The following RGS10 variants were observed in gnomAD, a reference collection of about 807,000 sequenced individuals.
The protein encoded by RGS10 is regulator of G protein signaling 10.
RGS10 carries 11 observed loss-of-function variants against 23.5 expected under a neutral mutation model. That is an observed-to-expected ratio of 0.47 (90% confidence interval 0.29 to 0.77). The LOEUF (loss-of-function observed/expected upper bound fraction) is 0.77. Among genes scored for constraint, RGS10 ranks in the 30% least tolerant of loss-of-function variants. The pLI, the probability that RGS10 is intolerant of heterozygous loss-of-function variation, is 0.08. For synonymous variants in RGS10, 77 were observed against 83.2 expected (o/e 0.92, Z 0.41); for missense variants, 180 against 226.3 (o/e 0.80, Z 1.31).
At chr10:119,500,945 G>A (rs530391927) in intron 4 of RGS10, among the ~76,000 whole-genome samples, 30 of 152,236 alleles carry the variant, frequency 2.0e-4, no homozygotes, top group Middle Eastern at 6.8e-3. Flanking sequence ...GAGGACACCC[G>A]ACAGAGCTGA....
chr10:119,522,705 C>T lies in RGS10; in HGVS notation c.255+3327G>A, dbSNP rs548802612. Among the ~76,000 whole-genome samples the T allele has an allele frequency of 4.5e-5, 6 of 134,330 alleles. No homozygotes were observed. In the East Asian group the frequency reaches 1.1e-3, roughly 25 times the overall value. The allele number at this position is 134,330 out of a possible 152,430, so 88.1% of individuals were successfully genotyped here. A position where few individuals can be genotyped will look rare whatever the true frequency, so the allele number is the denominator to read the frequency against. On this transcript the variant is annotated intron_variant, in intron 3 of 4. Transcript: ENST00000369103. ...TGCACTCTAGCCTGGGCGAGAAGAG[C>T]GAAACTCCGTCTCAAAAAAAAAAAA...
chr10:119,541,763 C>T (rs754132301), intron 1 of RGS10, among the ~76,000 whole-genome samples: 1 of 152,220 alleles, frequency 6.6e-6, no homozygotes, highest in African/African-American at 2.4e-5. Context: ...AGTTACCTAA[C>T]AGCGCCTGGC....
intron 4 of RGS10, among the ~76,000 whole-genome samples, chr10:119,511,651 A>G (rs931795619): frequency 6.6e-6 from 1 of 152,094 alleles, no homozygotes; most frequent in Admixed American, 6.6e-5. Context: ...GCTCATTAAA[A>G]TGAATAATGC....
intron 1 of RGS10, chr10:119,536,616 G>T: frequency 1.0e-6 from 1 of 968,302 alleles, no homozygotes; most frequent in Non-Finnish European, 1.5e-6. Context: ...CCTCTTTTAA[G>T]TGGACTAAAC....
At chr10:119,519,877 C>A (rs545873588) in intron 3 of RGS10, among the ~76,000 whole-genome samples, 8 of 152,242 alleles carry the variant, frequency 5.3e-5, no homozygotes, top group Non-Finnish European at 8.8e-5. Flanking sequence ...ATGTCCCCCC[C>A]AGATTTCAGA....
Position 119,524,094 on chromosome 10 carries a change from C to T in RGS10, c.255+1938G>A, listed in dbSNP as rs967316965. 6.6e-6 allele frequency among the ~76,000 whole-genome samples: 1 copy of T among 152,224 alleles called. No homozygotes were observed. The highest frequency in any genetic ancestry group is 6.5e-5 in the Admixed American group (1 of 15,278). Reference sequence around the variant, plus strand: ...AAGCCACTTCCCCTGGATCCCTCCCCGTTGCCCACGCCTTGCTCCCACGAC... The same window carrying T: ...AAGCCACTTCCCCTGGATCCCTCCCTGTTGCCCACGCCTTGCTCCCACGAC... On this transcript the variant is annotated intron_variant, in intron 3 of 4. Transcript: ENST00000369103. This position sits in a 1 kb window ranked among gnomAD's most constrained non-coding sequence, Gnocchi z 5.2.
At chr10:119,520,874 C>A (rs754906003) in intron 3 of RGS10, among the ~76,000 whole-genome samples, 1 of 150,282 alleles carries the variant, frequency 6.7e-6, no homozygotes, top group Admixed American at 6.6e-5. Flanking sequence ...CAATGCAGGG[C>A]GTGAAAGGTC....
At chr10:119,507,051 C>T (rs1844022372) in intron 4 of RGS10, among the ~76,000 whole-genome samples, 1 of 152,196 alleles carries the variant, frequency 6.6e-6, no homozygotes, top group Non-Finnish European at 1.5e-5. Context: ...TCGAATACTG[C>T]CCTTCCCATC....
chr10:119,512,347 A>G (rs1485317820), intron 4 of RGS10, among the ~76,000 whole-genome samples: 1 of 152,204 alleles, frequency 6.6e-6, no homozygotes, highest in African/African-American at 2.4e-5. Flanking sequence ...CTTTGCAAGA[A>G]AAAAACCGGG....
chr10:119,515,126 C>T (rs753685078), intron 4 of RGS10, among the ~76,000 whole-genome samples: 1 of 152,150 alleles, frequency 6.6e-6, no homozygotes, highest in Non-Finnish European at 1.5e-5. Context: ...ACAGAAACAG[C>T]CTGCCACTTT....
chr10:119,500,697 T>C (rs770672130), intron 4 of RGS10, among the ~76,000 whole-genome samples: 1 of 150,446 alleles, frequency 6.6e-6, no homozygotes, highest in Non-Finnish European at 1.5e-5. Flanking sequence ...CCAGCATTGT[T>C]AAGACTCCCA....
intron 1 of RGS10, among the ~76,000 whole-genome samples, chr10:119,533,032 G>A (rs1259604069): frequency 2.4e-5 from 2 of 84,954 alleles, no homozygotes; most frequent in Non-Finnish European, 4.4e-5. Flanking sequence ...AGAGCCAGAC[G>A]CTGTCTCAAA....
intron 4 of RGS10, 101 bp downstream of exon 4, chr10:119,515,408 G>A (rs1425563959): frequency 4.9e-6 from 7 of 1,421,108 alleles, no homozygotes; most frequent in African/African-American, 1.4e-5. Context: ...CGTATGAGAT[G>A]GTTTCCAGGG....
intron 3 of RGS10, among the ~76,000 whole-genome samples, chr10:119,522,735 A>AC (rs35311438): frequency 1.3e-5 from 2 of 150,954 alleles, no homozygotes; most frequent in African/African-American, 4.9e-5. Flanking sequence ...AAAAAAAAAA[A>AC]CAAAGACATT....
At chr10:119,512,587 G>A (rs963551442) in intron 4 of RGS10, among the ~76,000 whole-genome samples, 3 of 151,746 alleles carry the variant, frequency 2.0e-5, no homozygotes, top group Middle Eastern at 3.4e-3. Flanking sequence ...TCACTCTGTC[G>A]CTCAGGCTGG....
intron 3 of RGS10, among the ~76,000 whole-genome samples, chr10:119,521,736 A>C (rs1844221130): frequency 7.1e-6 from 1 of 140,506 alleles, no homozygotes; most frequent in Non-Finnish European, 1.6e-5. Context: ...AAAAAAAAAA[A>C]CAGAACAGTT....
At chr10:119,503,997 C>T (rs754755531) in intron 4 of RGS10, among the ~76,000 whole-genome samples, 1 of 152,232 alleles carries the variant, frequency 6.6e-6, no homozygotes, top group Non-Finnish European at 1.5e-5. Context: ...GGGCGGAAGG[C>T]CAGCCCTGGC....
intron 1 of RGS10, among the ~76,000 whole-genome samples, chr10:119,536,285 G>A (rs1159385694): frequency 6.6e-6 from 1 of 152,206 alleles, no homozygotes; most frequent in African/African-American, 2.4e-5. Flanking sequence ...AAAGGGCATC[G>A]TGGCGTTTTC....
At chr10:119,535,828 T>C (rs1844382323) in intron 1 of RGS10, among the ~76,000 whole-genome samples, 1 of 152,236 alleles carries the variant, frequency 6.6e-6, no homozygotes, top group Admixed American at 6.5e-5. Flanking sequence ...ACAACTCACA[T>C]GCACAGGCGT....
Sources: allele counts gnomAD v4.1 joint callset (sites outside exome capture counted in the v4.1 genomes callset), GRCh38; gene constraint gnomAD v4.1.1; non-coding constraint Gnocchi (gnomAD v3.1); transcripts MANE v1.5; gene names NCBI Gene and HGNC (gene_info 2026-07-23, HGNC 2026-07-21).